Variants in PLEKHA7 observed in about 807,000 individuals in gnomAD.
The protein encoded by PLEKHA7 is pleckstrin homology domain-containing family A member 7.
In PLEKHA7, 104 loss-of-function variants were observed where a neutral mutation model predicts 170.0. The observed-to-expected ratio is 0.61, with a 90% CI of 0.52 to 0.72. PLEKHA7 has a LOEUF of 0.72. Ranked by LOEUF, PLEKHA7 falls within the 30% of genes least tolerant of loss-of-function variation. The pLI is 0.00. For synonymous variants in PLEKHA7, 648 were observed against 660.8 expected, an observed-to-expected ratio of 0.98 and a Z score of 0.30; for missense variants, 1,615 against 1,671.7, an observed-to-expected ratio of 0.97 and a Z score of 0.59.
At chr11:16,906,815 C>T (rs993354793) in intron 3 of PLEKHA7, among the ~76,000 whole-genome samples, 1 of 136,780 alleles carries the variant, frequency 7.3e-6, no homozygotes, top group African/African-American at 3.3e-5. Context: ...GCCTCTCTGC[C>T]TGGCTGCCCA....
Position 16,817,423 on chromosome 11 carries a change from A to G in PLEKHA7, c.1344-101T>C, listed in dbSNP as rs1202632346. 26 of 1,203,716 alleles carry G rather than the reference A, an allele frequency of 2.2e-5. No homozygotes were observed. The highest frequency in any genetic ancestry group is 3.0e-5 in the Non-Finnish European group (26 of 879,576). 74.6% of individuals were successfully genotyped at this position (1,203,716 alleles called of 1,614,324 possible). The stretch of plus-strand genomic sequence containing the variant: ...ACCCACAAAGCTGGGCATGTGGGAC[A>G]GTCCTGTAAGAACCTCAAAAGAATG... On this transcript the variant is annotated intron_variant, in intron 10 of 26. Transcript: ENST00000531066. The surrounding 1 kb of genome is among the most constrained non-coding windows in gnomAD (Gnocchi z 4.4).
At chr11:16,987,494 A>G (rs1409828036) in intron 3 of PLEKHA7, among the ~76,000 whole-genome samples, 1 of 152,128 alleles carries the variant, frequency 6.6e-6, no homozygotes, top group Non-Finnish European at 1.5e-5. Context: ...CGTGGTGAAA[A>G]CAGCCCCAGG....
chr11:16,907,685 G>GTACTCAAC (rs1857926025), intron 3 of PLEKHA7, among the ~76,000 whole-genome samples: 1 of 132,632 alleles, frequency 7.5e-6, no homozygotes, highest in Admixed American at 7.2e-5. Context: ...TCCGGGAGGT[G>GTACTCAAC]AGGGGCGCCT....
chr11:16,885,026 G>A (rs1225707687), intron 3 of PLEKHA7, among the ~76,000 whole-genome samples: 2 of 106,532 alleles, frequency 1.9e-5, no homozygotes, highest in African/African-American at 5.6e-5. Context: ...TTCTTTTCAT[G>A]AAGAAGATCT....
At chr11:16,945,134 C>T (rs951588033) in intron 3 of PLEKHA7, among the ~76,000 whole-genome samples, 1 of 152,090 alleles carries the variant, frequency 6.6e-6, no homozygotes, top group Non-Finnish European at 1.5e-5. Flanking sequence ...TGGGGTTTCA[C>T]CATGTTGGCC....
At chr11:16,795,662 G>A (rs1462618895) in intron 17 of PLEKHA7, among the ~76,000 whole-genome samples, 2 of 151,452 alleles carry the variant, frequency 1.3e-5, no homozygotes, top group African/African-American at 2.4e-5. Context: ...GGTGGTGTGC[G>A]CCTGTAATCC....
At chr11:16,892,212 G>A (rs1205260149) in intron 3 of PLEKHA7, among the ~76,000 whole-genome samples, 3 of 152,168 alleles carry the variant, frequency 2.0e-5, no homozygotes, top group Non-Finnish European at 4.4e-5. Context: ...TGCATCATTT[G>A]ACAACTATGT....
rs1301875243 is a variant in PLEKHA7 at position 16,813,051 on chromosome 11, G to T, written c.2007+62C>A. 6 of 1,481,436 alleles carry T rather than the reference G, an allele frequency of 4.1e-6. No homozygotes were observed. In the African/African-American group the frequency reaches 5.5e-5, roughly 14 times the overall value. The allele number at this position is 1,481,436 out of a possible 1,614,324, so 91.8% of individuals were successfully genotyped here. ...GCCTTTGGCTTTGGGCTTGGCTCCA[G>T]TGAGGTGACACTCTCAGAAAGGTGA... On this transcript the variant is annotated intron_variant, in intron 13 of 26. Transcript: ENST00000531066.
In PLEKHA7 at chr11:16,777,736, G is replaced by C. The variant is rs1260005890; in HGVS notation, c.*1262C>G. 6.6e-6 allele frequency: 1 copy of C among 152,216 alleles called. No individual in the cohort carries two copies. The highest frequency in any genetic ancestry group is 2.4e-5 in the African/African-American group (1 of 41,450). The allele number at this position is 152,216 out of a possible 1,614,324, so 9.4% of individuals were successfully genotyped here. The stretch of plus-strand genomic sequence containing the variant: ...GTCAAATCAAAGTCCTGCCATTATG[G>C]CCCTGCTGGCGGCAGGCCATGAGGG... On this transcript the variant is annotated 3_prime_UTR_variant, in exon 27 of 27. Coordinates refer to ENST00000531066, the MANE Select transcript of PLEKHA7 (RefSeq NM_001329630.2).
chr11:16,939,281 G>A (rs1224151191), intron 3 of PLEKHA7, among the ~76,000 whole-genome samples: 1 of 152,066 alleles, frequency 6.6e-6, no homozygotes, highest in Non-Finnish European at 1.5e-5. Context: ...AGGTGTGGTG[G>A]TGCACGCCTA....
chr11:16,859,496 C>T (rs1366635418), intron 4 of PLEKHA7, among the ~76,000 whole-genome samples: 3 of 152,186 alleles, frequency 2.0e-5, no homozygotes, highest in African/African-American at 7.2e-5. Context: ...TGGTGATTTA[C>T]CACAATGGGT....
At chr11:16,835,502 T>C (rs1400603724) in intron 9 of PLEKHA7, among the ~76,000 whole-genome samples, 2 of 152,112 alleles carry the variant, frequency 1.3e-5, no homozygotes, top group Non-Finnish European at 2.9e-5. Context: ...GAATTAATGA[T>C]GAAACTGGAA....
intron 12 of PLEKHA7, among the ~76,000 whole-genome samples, chr11:16,814,109 T>G (rs1486390429): frequency 3.3e-5 from 5 of 152,168 alleles, no homozygotes; most frequent in African/African-American, 1.2e-4. Context: ...AGGGCTCTTA[T>G]GCATGGGAAT....
intron 9 of PLEKHA7, among the ~76,000 whole-genome samples, chr11:16,833,066 C>T (rs1851240742): frequency 6.6e-6 from 1 of 152,170 alleles, no homozygotes; most frequent in Non-Finnish European, 1.5e-5. Flanking sequence ...AGGAGATAGC[C>T]AGGGAGAAAT....
chr11:16,837,088 T>C (rs953315666), intron 9 of PLEKHA7, among the ~76,000 whole-genome samples: 5 of 152,212 alleles, frequency 3.3e-5, no homozygotes, highest in African/African-American at 1.2e-4. Flanking sequence ...CCTCCCAAAG[T>C]GCTAGGATTA....
chr11:16,992,570 A>G (rs753536757), intron 3 of PLEKHA7, among the ~76,000 whole-genome samples: 2 of 152,146 alleles, frequency 1.3e-5, no homozygotes, highest in Non-Finnish European at 2.9e-5. Flanking sequence ...AGCCTGGCCA[A>G]TGTGGTGAAA....
At chr11:16,895,108 C>T (rs541043953) in intron 3 of PLEKHA7, among the ~76,000 whole-genome samples, 61 of 152,202 alleles carry the variant, frequency 4.0e-4, no homozygotes, top group African/African-American at 1.4e-3. Context: ...GAAGACAACA[C>T]GGCCAAACCG....
intron 3 of PLEKHA7, among the ~76,000 whole-genome samples, chr11:16,914,498 C>T (rs915707197): frequency 1.3e-5 from 2 of 152,206 alleles, no homozygotes; most frequent in African/African-American, 4.8e-5. Context: ...CACTGATCAG[C>T]ATCTCCTTCC....
intron 3 of PLEKHA7, among the ~76,000 whole-genome samples, chr11:16,974,310 T>C (rs1862917127): frequency 1.3e-5 from 2 of 151,572 alleles, no homozygotes; most frequent in African/African-American, 4.8e-5. Flanking sequence ...TTTTTTTTTT[T>C]TGGTAATGAA....
Sources: gnomAD v4.1 joint callset for allele counts (sites outside exome capture counted in the v4.1 genomes callset) on GRCh38, gnomAD v4.1.1 for gene constraint, Gnocchi (gnomAD v3.1) non-coding constraint, MANE v1.5 for transcripts, NCBI Gene and HGNC (gene_info 2026-07-23, HGNC 2026-07-21) for gene names.